The following GRID2 variants were observed in gnomAD, a reference collection of about 807,000 sequenced individuals.
The protein encoded by GRID2 is glutamate ionotropic receptor delta type subunit 2.
A neutral mutation model predicts 114.8 loss-of-function variants in GRID2; 33 were observed. The ratio of observed to expected loss-of-function variants is 0.29; its 90% CI spans 0.22 to 0.38. The LOEUF is 0.38. GRID2 is among the 10% of genes least tolerant of loss of function. The pLI is 1.00. For missense variants in GRID2, 1,184 were observed against 1,257.7 expected (o/e 0.94, Z 0.89); for synonymous variants, 505 against 449.9 (o/e 1.12, Z -1.55).
chr4:93,171,326 C>T (rs902826786), intron 4 of GRID2, among the ~76,000 whole-genome samples: 7 of 152,102 alleles, frequency 4.6e-5, no homozygotes, highest in African/African-American at 1.7e-4. Context: ...GGCTGCATGG[C>T]TCACTCCCTC....
At chr4:93,241,393 G>A (rs1030146084) in intron 8 of GRID2, among the ~76,000 whole-genome samples, 8 of 151,370 alleles carry the variant, frequency 5.3e-5, no homozygotes, top group Admixed American at 2.6e-4. Flanking sequence ...TATCAATCTC[G>A]GAGAGAAAAC....
chr4:93,169,955 G>T (rs187227868), intron 4 of GRID2, among the ~76,000 whole-genome samples: 36 of 152,232 alleles, frequency 2.4e-4, no homozygotes, highest in Admixed American at 2.1e-3. Flanking sequence ...TATGTTTCAA[G>T]CTGTACAATA....
intron 1 of GRID2, among the ~76,000 whole-genome samples, chr4:92,439,239 C>G (rs983611577): frequency 6.6e-6 from 1 of 151,988 alleles, no homozygotes. Flanking sequence ...TCACTTAAGG[C>G]AAGGACCGGC....
At chr4:93,711,515 A>G (rs543970489) in intron 14 of GRID2, among the ~76,000 whole-genome samples, 3 of 152,216 alleles carry the variant, frequency 2.0e-5, no homozygotes, top group Non-Finnish European at 4.4e-5. Flanking sequence ...AAGCTTATTT[A>G]GAACCCCAGA....
intron 2 of GRID2, among the ~76,000 whole-genome samples, chr4:92,668,207 C>G (rs1483632207): frequency 1.3e-5 from 2 of 151,750 alleles, no homozygotes; most frequent in South Asian, 2.1e-4. Flanking sequence ...AATTCTGTCT[C>G]TTAAGAATGA....
chr4:93,571,133 C>T (rs1323343628), intron 13 of GRID2, among the ~76,000 whole-genome samples: 2 of 152,006 alleles, frequency 1.3e-5, no homozygotes, highest in Non-Finnish European at 2.9e-5. Flanking sequence ...TTAATTATTG[C>T]TACTACTTAG....
chr4:92,628,023 T>A (rs75567658), intron 2 of GRID2, among the ~76,000 whole-genome samples: 2,361 of 152,246 alleles, frequency 0.016, 54 homozygotes, highest in African/African-American at 0.054. Context: ...AGACAAAATA[T>A]GATCGAGAGC....
At chr4:92,927,767 A>T (rs922655258) in intron 2 of GRID2, among the ~76,000 whole-genome samples, 3 of 151,754 alleles carry the variant, frequency 2.0e-5, no homozygotes, top group African/African-American at 7.3e-5. Context: ...TCTTATGGAG[A>T]TATTTACAAG....
At chr4:92,808,036 A>C (rs1039485512) in intron 2 of GRID2, among the ~76,000 whole-genome samples, 1 of 152,028 alleles carries the variant, frequency 6.6e-6, no homozygotes, top group Non-Finnish European at 1.5e-5. Flanking sequence ...CTGGGTGATT[A>C]TATTGTAATC....
chr4:93,798,420 G>A (rs558434889), intron 1 of GRID2, among the ~76,000 whole-genome samples: 1 of 152,108 alleles, frequency 6.6e-6, no homozygotes, highest in African/African-American at 2.4e-5. Context: ...ATGTCCTTAG[G>A]GGCCGCCTAG....
chr4:92,456,125 G>A (rs1226108347), intron 1 of GRID2, among the ~76,000 whole-genome samples: 2 of 151,358 alleles, frequency 1.3e-5, no homozygotes, highest in Non-Finnish European at 2.9e-5. Flanking sequence ...TTTCTCAATG[G>A]AAGCAATAAA....
chr4:92,835,191 TAAAAA>T (rs33949803), intron 2 of GRID2, among the ~76,000 whole-genome samples: 1 of 146,904 alleles, frequency 6.8e-6, no homozygotes, highest in Non-Finnish European at 1.5e-5. Flanking sequence ...CTGAAAGAGG[TAAAAA>T]AAAAAAAGGT....
intron 2 of GRID2, among the ~76,000 whole-genome samples, chr4:92,802,440 C>T (rs1396764434): frequency 6.6e-6 from 1 of 151,440 alleles, no homozygotes; most frequent in Non-Finnish European, 1.5e-5. Flanking sequence ...ATTCTCTGTG[C>T]TTTGTGTATT....
intron 14 of GRID2, among the ~76,000 whole-genome samples, chr4:93,648,767 C>T (rs1722332870): frequency 6.9e-6 from 1 of 145,982 alleles, no homozygotes. Context: ...TTGAGAACCA[C>T]TCTTGTAATA....
At chr4:93,798,564 T>C (rs1734854460) in intron 1 of GRID2, among the ~76,000 whole-genome samples, 1 of 152,226 alleles carries the variant, frequency 6.6e-6, no homozygotes, top group Admixed American at 6.5e-5. Context: ...GAGTAGGGCA[T>C]GCATTTATGC....
intron 2 of GRID2, among the ~76,000 whole-genome samples, chr4:92,719,113 A>G (rs1034990142): frequency 6.6e-6 from 1 of 151,890 alleles, no homozygotes; most frequent in Non-Finnish European, 1.5e-5. Context: ...CAGCCACCCA[A>G]GTATCTGGGA....
intron 1 of GRID2, among the ~76,000 whole-genome samples, chr4:92,389,087 A>G (rs1321993017): frequency 1.3e-5 from 2 of 152,066 alleles, no homozygotes; most frequent in Non-Finnish European, 2.9e-5. Context: ...AGTAGTTAAT[A>G]ACATAATGTT....
At chr4:93,341,523 A>G (rs1242427398) in intron 8 of GRID2, among the ~76,000 whole-genome samples, 3 of 152,150 alleles carry the variant, frequency 2.0e-5, no homozygotes, top group African/African-American at 4.8e-5. Flanking sequence ...GGGTTTTGCC[A>G]TGTTGGCCAG....
At chr4:93,042,051 C>T (rs1307395170) in intron 2 of GRID2, among the ~76,000 whole-genome samples, 22 of 151,662 alleles carry the variant, frequency 1.5e-4, no homozygotes, top group Non-Finnish European at 2.8e-4. Context: ...TACAGGTGCC[C>T]GCCACCATGC....
Sources: allele counts gnomAD v4.1 joint callset (sites outside exome capture counted in the v4.1 genomes callset), GRCh38; gene constraint gnomAD v4.1.1; transcripts MANE v1.5; gene names NCBI Gene and HGNC (gene_info 2026-07-23, HGNC 2026-07-21).